NFYC: variants seen among roughly 807,000 people sequenced by gnomAD.
NFYC encodes the protein nuclear transcription factor Y subunit gamma, also known as CAAT box DNA-binding protein subunit C.
Under a neutral mutation model 53.1 loss-of-function variants are expected in NFYC, and 25 were observed. The observed-to-expected ratio is 0.47, with a 90% CI of 0.34 to 0.66. The LOEUF (loss-of-function observed/expected upper bound fraction) is 0.66, where lower values mean the gene tolerates loss of function less well. Ranked by LOEUF, NFYC falls within the 30% of genes least tolerant of loss-of-function variation. NFYC has a pLI of 0.01. For missense variants in NFYC, 260 were observed against 422.7 expected, an observed-to-expected ratio of 0.62 and a Z score of 3.38; for synonymous variants, 145 against 152.6, an observed-to-expected ratio of 0.95 and a Z score of 0.37.
chr1:40,722,649 A>G (rs1292162489), intron 1 of NFYC, among the ~76,000 whole-genome samples: 2 of 152,196 alleles, frequency 1.3e-5, no homozygotes, highest in African/African-American at 2.4e-5. Flanking sequence ...GCCTTCTAAC[A>G]TGTGTTTTAC....
intron 1 of NFYC, among the ~76,000 whole-genome samples, chr1:40,700,042 C>G (rs1344599300): frequency 1.3e-5 from 2 of 152,068 alleles, no homozygotes; most frequent in Non-Finnish European, 2.9e-5. Flanking sequence ...TGTAGTGGAG[C>G]CCAGTTGAGC....
chr1:40,751,519 C>A (rs1023250119), intron 4 of NFYC, among the ~76,000 whole-genome samples: 1 of 152,154 alleles, frequency 6.6e-6, no homozygotes, highest in Admixed American at 6.5e-5. Flanking sequence ...GATCCTCCCA[C>A]CTCAGCCTCC....
intron 1 of NFYC, among the ~76,000 whole-genome samples, chr1:40,707,389 T>C (rs1423666394): frequency 6.8e-6 from 1 of 146,610 alleles, no homozygotes; most frequent in Non-Finnish European, 1.5e-5. Context: ...AGCTACTAAG[T>C]AGATCACTTG....
intron 1 of NFYC, among the ~76,000 whole-genome samples, chr1:40,708,974 T>C (rs1643849046): frequency 6.6e-6 from 1 of 152,234 alleles, no homozygotes; most frequent in Non-Finnish European, 1.5e-5. Flanking sequence ...TAAATGGAAC[T>C]CTGACAGCCA....
Position 40,762,064 on chromosome 1 carries a change from C to T in NFYC, c.562-824C>T, listed in dbSNP as rs565926285. Among the ~76,000 whole-genome samples, 17 of 152,214 alleles carry T rather than the reference C, an allele frequency of 1.1e-4. No homozygotes were observed. The South Asian group carries it at 2.9e-3, about 26-fold the overall frequency. On this transcript the variant is annotated intron_variant, in intron 6 of 9. Transcript: ENST00000447388. ...CCCTTTTGGCAGCTTGTGTCTTTAC[C>T]GTCTCAAAAGAGTACATTTCATAGG...
chr1:40,696,695 A>G (rs752105659), intron 1 of NFYC, among the ~76,000 whole-genome samples: 9 of 152,226 alleles, frequency 5.9e-5, no homozygotes, highest in Non-Finnish European at 1.0e-4. Context: ...TAGGGTCACA[A>G]ATGACCTTCT....
intron 1 of NFYC, among the ~76,000 whole-genome samples, chr1:40,698,944 C>G (rs1643291488): frequency 6.6e-6 from 1 of 152,008 alleles, no homozygotes; most frequent in Non-Finnish European, 1.5e-5. Flanking sequence ...GCGGGCAGAT[C>G]ATGAGGTCAG....
chr1:40,710,769 G>A, intron 1 of NFYC, among the ~76,000 whole-genome samples: 1 of 152,118 alleles, frequency 6.6e-6, no homozygotes, highest in Non-Finnish European at 1.5e-5. Flanking sequence ...TTTAGATTCG[G>A]GGCTCTTGGA....
At chr1:40,718,974 CGATT>C (rs779855727) in intron 1 of NFYC, among the ~76,000 whole-genome samples, 3 of 152,122 alleles carry the variant, frequency 2.0e-5, no homozygotes, top group Non-Finnish European at 4.4e-5. Context: ...CAGGTTCAAG[CGATT>C]CTCCTGCCTC....
intron 5 of NFYC, 59 bp from the exon 6 acceptor site, chr1:40,758,062 C>T: frequency 2.5e-6 from 4 of 1,588,760 alleles, no homozygotes; most frequent in Middle Eastern, 2.3e-4. Context: ...TGGAAATTCA[C>T]TGTGGCGGCT....
chr1:40,750,753 A>G (rs987023190), intron 4 of NFYC, among the ~76,000 whole-genome samples: 6 of 152,236 alleles, frequency 3.9e-5, no homozygotes, highest in Non-Finnish European at 5.9e-5. Flanking sequence ...ACACTTGGAC[A>G]GACCTTCAGA....
Position 40,766,150 on chromosome 1 carries a change from C to T in NFYC, c.721-446C>T, listed in dbSNP as rs186837212. 8.8e-4 allele frequency: 147 copies of T among 166,656 alleles called. 1 individual carries two copies. Among genetic ancestry groups the T allele is most frequent in the Non-Finnish European group, 1.7e-3 (129 of 76,538 alleles). 10.3% of individuals were successfully genotyped at this position (166,656 alleles called of 1,614,324 possible). Reference sequence around the variant, plus strand: ...GCAGGGCAGTGTGAGGGCTATGATGCGGAATGATGGCTGTTTGCTTTGGGA... The same window carrying T: ...GCAGGGCAGTGTGAGGGCTATGATGTGGAATGATGGCTGTTTGCTTTGGGA... On this transcript the variant is annotated intron_variant, in intron 7 of 9. Coordinates refer to ENST00000447388, the MANE Select transcript of NFYC (RefSeq NM_014223.5).
chr1:40,762,862 A>C (rs986292092), intron 6 of NFYC, 26 bp from the exon 7 acceptor site: 2 of 1,542,868 alleles, frequency 1.3e-6, no homozygotes, highest in African/African-American at 1.4e-5. Context: ...GAACTCACGC[A>C]GCATTCTCAT....
At chr1:40,712,533 T>C (rs1431216578) in intron 1 of NFYC, 1 of 138,994 alleles carries the variant, frequency 7.2e-6, no homozygotes, top group African/African-American at 2.8e-5. Flanking sequence ...GTATACCAAA[T>C]ATTTATAAAG....
At chr1:40,693,064 A>G (rs568881431) in intron 1 of NFYC, among the ~76,000 whole-genome samples, 34 of 152,354 alleles carry the variant, frequency 2.2e-4, no homozygotes, top group African/African-American at 2.4e-4. Context: ...GGAGCTAGCC[A>G]GAAATTTTCG....
chr1:40,737,292 G>A (rs1277049147), intron 1 of NFYC, among the ~76,000 whole-genome samples: 1 of 151,444 alleles, frequency 6.6e-6, no homozygotes, highest in Non-Finnish European at 1.5e-5. Context: ...TGACTAAATT[G>A]CAGGTTCTAG....
intron 1 of NFYC, among the ~76,000 whole-genome samples, chr1:40,731,427 A>G (rs1003466421): frequency 5.4e-5 from 2 of 37,230 alleles, no homozygotes; most frequent in Non-Finnish European, 1.2e-4. Context: ...CTCCTGCCTC[A>G]GCCTCCCAAA....
In NFYC at chr1:40,766,645, T is replaced by C. The variant is rs145482233; in HGVS notation, c.770T>C (p.Val257Ala). ...CAGTATATCCGCTTAGCCCAGCCTGTATCAGGCACTCAAGTTGTGCAGGGA... is the reference window on the plus strand; with the variant it reads ...CAGTATATCCGCTTAGCCCAGCCTGCATCAGGCACTCAAGTTGTGCAGGGA... ...QLQYIRLAQP[V>A]SGTQVVQGQI... The change falls in exon 8 of 10, where the codon GTA (valine) becomes GCA (alanine). Residue 257 changes from valine to alanine, a missense_variant. Transcript: ENST00000447388. The C allele has an allele frequency of 5.5e-4, 892 of 1,614,146 alleles. 6 individuals carry two copies. The highest frequency in any genetic ancestry group is 1.2e-3 in the Admixed American group (74 of 60,018).
At chr1:40,724,805 TTTTTG>T (rs1291301806) in intron 1 of NFYC, among the ~76,000 whole-genome samples, 2 of 152,212 alleles carry the variant, frequency 1.3e-5, no homozygotes, top group African/African-American at 4.8e-5. Context: ...TAGAAAAGTA[TTTTTG>T]TTTTTGAAGG....
Sources: allele counts gnomAD v4.1 joint callset (sites outside exome capture counted in the v4.1 genomes callset), GRCh38; gene constraint gnomAD v4.1.1; transcripts MANE v1.5; gene names NCBI Gene and HGNC (gene_info 2026-07-23, HGNC 2026-07-21).